The following SBK3 variants were observed in gnomAD, a reference collection of about 807,000 sequenced individuals.
SBK3 encodes the protein uncharacterized serine/threonine-protein kinase SBK3.
A neutral mutation model predicts 12.7 loss-of-function variants in SBK3; 16 were observed. The observed-to-expected ratio is 1.26, with a 90% CI of 0.86 to 1.92. SBK3 has a LOEUF of 1.92. Among genes scored for constraint, SBK3 ranks in the 40% most tolerant of loss-of-function variants. SBK3 has a pLI of 0.00. For missense variants in SBK3, 462 were observed against 481.8 expected, an observed-to-expected ratio of 0.96 and a Z score of 0.38; for synonymous variants, 217 against 213.6, an observed-to-expected ratio of 1.02 and a Z score of -0.14.
At chr19:55,543,707 A>G (rs1303405403) in intron 3 of SBK3, among the ~76,000 whole-genome samples, 2 of 152,014 alleles carry the variant, frequency 1.3e-5, no homozygotes, top group East Asian at 3.9e-4. Context: ...TCTGCAGCCC[A>G]TTCATGCTTT....
intron 3 of SBK3, among the ~76,000 whole-genome samples, chr19:55,542,361 A>G (rs1234687268): frequency 1.4e-4 from 22 of 151,746 alleles, no homozygotes; most frequent in Admixed American, 1.4e-3. Flanking sequence ...CCATCCACCA[A>G]TCCTTCCGTC....
At chr19:55,543,762 C>T (rs1211445257) in intron 3 of SBK3, among the ~76,000 whole-genome samples, 1 of 152,078 alleles carries the variant, frequency 6.6e-6, no homozygotes, top group Non-Finnish European at 1.5e-5. Context: ...AAACTCAACC[C>T]ACCCAACTCC....
In SBK3 at chr19:55,545,452, T is replaced by G; in HGVS notation, c.45+47A>C. ...CCCCGTGTTGCCTCCTGCCTCTCTC[T>G]CCTTCTTTTCTCTCTCTGTCTTCCT... On this transcript the variant is annotated intron_variant, in intron 1 of 3. Transcript: ENST00000612221. This position sits in a 1 kb window ranked among gnomAD's most constrained non-coding sequence, Gnocchi z 4.4. 1 of 1,447,324 alleles carries G rather than the reference T, an allele frequency of 6.9e-7. No individual in the cohort carries two copies. Among genetic ancestry groups the G allele is most frequent in the Non-Finnish European group, 9.4e-7 (1 of 1,068,800 alleles). 89.7% of individuals were successfully genotyped at this position (1,447,324 alleles called of 1,614,324 possible).
At position 55,540,939 on chromosome 19, in the gene SBK3, C is replaced by T; in HGVS notation, c.987G>A (p.Arg329=). ...VLGSAVSYED[R]EEGGSSLEEW... ...CCTCCAGGCTTGAGCCTCCCTCCTC[C>T]CTGTCCTCATAGGACACGGCGCTCC... is the stretch of plus-strand genomic sequence containing the variant. Residue 329 remains arginine (R), a synonymous_variant, in exon 4 of 4, where the codon AGG becomes AGA. Transcript: ENST00000612221. 6.5e-7 allele frequency: 1 copy of T among 1,536,160 alleles called. No individual in the cohort carries two copies. Among genetic ancestry groups the T allele is most frequent in the Non-Finnish European group, 8.7e-7 (1 of 1,146,888 alleles).
rs1203697913 is a variant in SBK3, at chr19:55,540,910, C to T, written c.1016G>A (p.Trp339Ter). Residue 339 changes from tryptophan to a stop codon, truncating the protein, a stop_gained, in exon 4 of 4, where the codon TGG (tryptophan) becomes TAG (stop). Coordinates refer to ENST00000612221, the MANE Select transcript of SBK3 (RefSeq NM_001199824.2). LOFTEE classifies it low-confidence loss of function (END_TRUNC). ...TTTGCTGTCATCACCCTCATCTGTC[C>T]ACTCCTCCAGGCTTGAGCCTCCCTC... ...REEGGSSLEE[W>*]TDEGDDSKSG... 20 of 1,536,092 alleles carry T rather than the reference C, an allele frequency of 1.3e-5. No individual in the cohort carries two copies. Among genetic ancestry groups the T allele is most frequent in the Non-Finnish European group, 1.6e-5 (18 of 1,146,926 alleles).
Position 55,545,063 on chromosome 19 carries a change from A to C in SBK3, c.46-114T>G. 3 of 768,226 alleles carry C rather than the reference A, an allele frequency of 3.9e-6. No homozygotes were observed. The highest frequency in any genetic ancestry group is 6.1e-6 in the Non-Finnish European group (3 of 491,376). The allele number at this position is 768,226 out of a possible 1,614,324, so 47.6% of individuals were successfully genotyped here. A position where few individuals can be genotyped will look rare whatever the true frequency, so the allele number is the denominator to read the frequency against. Reference sequence around the variant, plus strand: ...GAGGGTGGGGCAGGGGACAGGGGTCACTGTCCCCAGAGAGGAGGATGAGTC... The same window carrying C: ...GAGGGTGGGGCAGGGGACAGGGGTCCCTGTCCCCAGAGAGGAGGATGAGTC... On this transcript the variant is annotated intron_variant, in intron 1 of 3. Transcript: ENST00000612221. This position sits in a 1 kb window ranked among gnomAD's most constrained non-coding sequence, Gnocchi z 4.4.
At position 55,541,260 on chromosome 19, in the gene SBK3, G is replaced by A. The variant is rs746559166; in HGVS notation, c.666C>T (p.Ala222=). The change falls in exon 4 of 4, where the codon GCC becomes GCT. Residue 222 remains alanine (A), a synonymous_variant. Transcript: ENST00000612221. The surrounding 1 kb of genome is among the most constrained non-coding windows in gnomAD (Gnocchi z 5.3). ...GCACCCCCAGGCCCCAGGAGTCCAC[G>A]GCTGGCCGCAGAGGCAGGGTGTCGG... ...LPPDTLPLRP[A]VDSWGLGVLL... is the part of the protein sequence containing the mutation. 9.1e-6 allele frequency: 14 copies of A among 1,536,000 alleles called. No individual in the cohort carries two copies. The highest frequency in any genetic ancestry group is 7.1e-5 in the South Asian group (6 of 84,060).
At chr19:55,544,419 CT>C in intron 2 of SBK3, 117 bp from the exon 3 acceptor site, 1 of 822,998 alleles carries the variant, frequency 1.2e-6, no homozygotes, top group East Asian at 2.7e-5. Context: ...ACGGGCTCCC[CT>C]GTCTGTGAAG....
intron 2 of SBK3, among the ~76,000 whole-genome samples, chr19:55,544,510 C>T (rs1988629540): frequency 6.6e-6 from 1 of 152,184 alleles, no homozygotes; most frequent in Non-Finnish European, 1.5e-5. Context: ...AGCCGCCTCA[C>T]CCTCTCCGGG....
rs1481877629 is a variant in SBK3, at chr19:55,541,259, C to CG, written c.666dup (p.Val223ArgfsTer29). On this transcript the variant is annotated frameshift_variant, in exon 4 of 4. Transcript: ENST00000612221. LOFTEE classifies it low-confidence loss of function (END_TRUNC). The surrounding 1 kb of genome is among the most constrained non-coding windows in gnomAD (Gnocchi z 5.3). ...AGCACCCCCAGGCCCCAGGAGTCCA[C>CG]GGCTGGCCGCAGAGGCAGGGTGTCG... 2 of 1,535,874 alleles carry CG rather than the reference C, an allele frequency of 1.3e-6. No homozygotes were observed.
Position 55,540,981 on chromosome 19 carries a change from C to G in SBK3, c.945G>C (p.Glu315Asp). The G allele has an allele frequency of 6.5e-7, 1 of 1,535,928 alleles. No individual in the cohort carries two copies. Among genetic ancestry groups the G allele is most frequent in the Non-Finnish European group, 8.7e-7 (1 of 1,146,762 alleles). ...GDDWGLQGNR[E>D]GPGVLGSAVS... Reference sequence around the variant, plus strand: ...CGGCGCTCCCCAAAACCCCAGGTCCCTCTCTGTTCCCTTGCAACCCCCAGT... The same window carrying G: ...CGGCGCTCCCCAAAACCCCAGGTCCGTCTCTGTTCCCTTGCAACCCCCAGT... Residue 315 changes from glutamate (E) to aspartate (D), a missense_variant, in exon 4 of 4, where the codon GAG becomes GAC. Transcript: ENST00000612221.
In SBK3 at chr19:55,544,095, C is replaced by T. The variant is rs1415721313; in HGVS notation, c.399+5G>A. 15 of 1,472,306 alleles carry T rather than the reference C, an allele frequency of 1.0e-5. No homozygotes were observed. Among genetic ancestry groups the T allele is most frequent in the South Asian group, 1.4e-5 (1 of 73,534 alleles). The allele number at this position is 1,472,306 out of a possible 1,614,324, so 91.2% of individuals were successfully genotyped here. On this transcript the variant is annotated splice_donor_5th_base_variant and intron_variant, in intron 3 of 3. Transcript: ENST00000612221. ...ACTCCCAACCTTTGTCCCTCGTGGC[C>T]TCACCCTTTCCTGCAGCATCCCGCT...
rs1988649487 is a variant in SBK3 at position 55,545,248 on chromosome 19, C to T, written c.45+251G>A. The T allele has an allele frequency of 6.8e-6, 4 of 584,314 alleles. No homozygotes were observed. The highest frequency in any genetic ancestry group is 1.2e-5 in the Non-Finnish European group (4 of 330,036). The allele number at this position is 584,314 out of a possible 1,614,324, so 36.2% of individuals were successfully genotyped here. On this transcript the variant is annotated intron_variant, in intron 1 of 3. Transcript: ENST00000612221. This position sits in a 1 kb window ranked among gnomAD's most constrained non-coding sequence, Gnocchi z 4.4. ...TCAGCCCACACAGTCCCCCTGCCCACCCTGGTCTCTCTCTCCACCGTCCTC... is the reference window on the plus strand; with the variant it reads ...TCAGCCCACACAGTCCCCCTGCCCATCCTGGTCTCTCTCTCCACCGTCCTC...
rs1349080295 is a variant in SBK3 at position 55,541,233 on chromosome 19, A to T, written c.693T>A (p.Leu231=). Residue 231 remains leucine (L), a synonymous_variant, in exon 4 of 4, where the codon CTT becomes CTA. Transcript: ENST00000612221. The surrounding 1 kb of genome is among the most constrained non-coding windows in gnomAD (Gnocchi z 5.3). ...AACAGGCAGTGGCAGCACAGAAGAG[A>T]AGCACCCCCAGGCCCCAGGAGTCCA... ...PAVDSWGLGV[L]LFCAATACFP... is the part of the protein sequence containing the mutation. The T allele has an allele frequency of 2.0e-6, 3 of 1,536,046 alleles. No homozygotes were observed. The highest frequency in any genetic ancestry group is 2.4e-5 in the South Asian group (2 of 84,056).
chr19:55,544,429 A>C (rs1988627504), intron 2 of SBK3, 127 bp from the exon 3 acceptor site: 2 of 771,732 alleles, frequency 2.6e-6, no homozygotes, highest in South Asian at 3.6e-5. Flanking sequence ...CTGTCTGTGA[A>C]GTGTGGGTGG....
At chr19:55,544,077 AC>A (rs878992858) in intron 3 of SBK3, 22 bp downstream of exon 3, 1 of 1,447,878 alleles carries the variant, frequency 6.9e-7, no homozygotes, top group Admixed American at 2.6e-5. Flanking sequence ...AGCACTCCCA[AC>A]CTTTGTCCCT....
chr19:55,541,571 G>A lies in SBK3; in HGVS notation c.400-45C>T, dbSNP rs61133094. ...AGGAGGGTCAGAGTGTCTTGGTTTT[G>A]TCTTTTTTATGTTGTCCAGGCTGGT... On this transcript the variant is annotated intron_variant, in intron 3 of 3. Coordinates refer to ENST00000612221, the MANE Select transcript of SBK3 (RefSeq NM_001199824.2). The surrounding 1 kb of genome is among the most constrained non-coding windows in gnomAD (Gnocchi z 5.3). The A allele has an allele frequency of 7.0e-7, 1 of 1,428,354 alleles. No homozygotes were observed. Among genetic ancestry groups the A allele is most frequent in the Admixed American group, 2.4e-5 (1 of 42,036 alleles). The allele number at this position is 1,428,354 out of a possible 1,614,324, so 88.5% of individuals were successfully genotyped here. A position where few individuals can be genotyped will look rare whatever the true frequency, so the allele number is the denominator to read the frequency against.
At position 55,540,733 on chromosome 19, in the gene SBK3, A is replaced by G; in HGVS notation, c.*113T>C. On this transcript the variant is annotated 3_prime_UTR_variant, in exon 4 of 4. Transcript: ENST00000612221. Reference sequence around the variant, plus strand: ...GCCCAGCGTTCCGTAGGGAGAGTGCAATGTGTTCCCTCTCTGTCCTCCCGG... The same window carrying G: ...GCCCAGCGTTCCGTAGGGAGAGTGCGATGTGTTCCCTCTCTGTCCTCCCGG... The G allele has an allele frequency of 1.1e-6, 1 of 902,062 alleles. No homozygotes were observed. The highest frequency in any genetic ancestry group is 1.8e-6 in the Non-Finnish European group (1 of 567,804). 55.9% of individuals were successfully genotyped at this position (902,062 alleles called of 1,614,324 possible).
intron 2 of SBK3, 31 bp downstream of exon 2, chr19:55,544,768 G>A: frequency 6.8e-7 from 1 of 1,462,058 alleles, no homozygotes; most frequent in Non-Finnish European, 9.0e-7. Context: ...TGGGGCAGTT[G>A]GGGAGGCTGC....
Sources: gnomAD v4.1 joint callset for allele counts (sites outside exome capture counted in the v4.1 genomes callset) on GRCh38, gnomAD v4.1.1 for gene constraint, Gnocchi (gnomAD v3.1) non-coding constraint, MANE v1.5 for transcripts, NCBI Gene and HGNC (gene_info 2026-07-23, HGNC 2026-07-21) for gene names.